Variants in SPOCK1 observed in about 807,000 individuals in gnomAD.
SPOCK1 encodes SPARC (osteonectin), cwcv and kazal like domains proteoglycan 1, also known as testican-1.
In SPOCK1, 23 loss-of-function variants were observed where a neutral mutation model predicts 55.3. The ratio of observed to expected loss-of-function variants is 0.42; its 90% CI spans 0.30 to 0.59. SPOCK1 has a LOEUF of 0.59. SPOCK1 is among the 20% of genes least tolerant of loss of function. The pLI, the probability that SPOCK1 is intolerant of heterozygous loss-of-function variation, is 0.22. For synonymous variants in SPOCK1, 226 were observed against 221.0 expected (o/e 1.02, Z -0.20); for missense variants, 499 against 552.5 (o/e 0.90, Z 0.97).
intron 2 of SPOCK1, among the ~76,000 whole-genome samples, chr5:137,395,291 G>T (rs1751818837): frequency 6.6e-6 from 1 of 152,206 alleles, no homozygotes; most frequent in Admixed American, 6.5e-5. Context: ...ACAAATGTCA[G>T]GTGTGCCAAA....
intron 2 of SPOCK1, among the ~76,000 whole-genome samples, chr5:137,475,798 C>T (rs145354971): frequency 4.6e-4 from 70 of 152,224 alleles, no homozygotes; most frequent in African/African-American, 1.5e-3. Flanking sequence ...TGGTCTTGAA[C>T]TCCTGGCCTC....
At chr5:137,140,718 G>C (rs372996324) in intron 3 of SPOCK1, 24 bp from the exon 4 acceptor site, 2 of 1,449,262 alleles carry the variant, frequency 1.4e-6, no homozygotes, top group African/African-American at 1.4e-5. Flanking sequence ...AAGAAGGAGG[G>C]CAGGGTTTAG....
intron 2 of SPOCK1, among the ~76,000 whole-genome samples, chr5:137,404,106 A>G (rs1449484881): frequency 6.6e-6 from 1 of 152,214 alleles, no homozygotes; most frequent in Non-Finnish European, 1.5e-5. Context: ...CACTGAGCGT[A>G]TCCACACTCA....
At chr5:137,087,787 G>A (rs1302302767) in intron 5 of SPOCK1, among the ~76,000 whole-genome samples, 1 of 152,188 alleles carries the variant, frequency 6.6e-6, no homozygotes, top group Non-Finnish European at 1.5e-5. Flanking sequence ...CCCACGAGAG[G>A]GAGAACATTG....
intron 3 of SPOCK1, among the ~76,000 whole-genome samples, chr5:137,210,805 G>A (rs1157922243): frequency 5.3e-5 from 8 of 152,182 alleles, no homozygotes; most frequent in East Asian, 1.9e-4. Flanking sequence ...TCCCTAGTCC[G>A]GCTTTATGCC....
At chr5:137,134,000 G>T (rs919994978) in intron 4 of SPOCK1, among the ~76,000 whole-genome samples, 2 of 152,176 alleles carry the variant, frequency 1.3e-5, no homozygotes, top group Admixed American at 1.3e-4. Flanking sequence ...TAAGGGAAAT[G>T]TACATCAGGC....
rs201326368 is a variant in SPOCK1, at chr5:137,165,871, TAAGAAAAAA to T, written c.233-25186_233-25178del. On this transcript the variant is annotated intron_variant, in intron 3 of 10. Coordinates refer to ENST00000394945, the MANE Select transcript of SPOCK1 (RefSeq NM_004598.4). ...TTTGAAAACACACAGTGAAAACACA[TAAGAAAAAA>T]AATTAAAAACAATAAAGCTCACATA... Among the ~76,000 whole-genome samples, 666 of 150,578 alleles carry T rather than the reference TAAGAAAAAA, an allele frequency of 4.4e-3. 12 individuals carry two copies. Among genetic ancestry groups the T allele is most frequent in the Non-Finnish European group, 4.1e-3 (277 of 67,536 alleles).
At chr5:137,356,286 T>G (rs954286318) in intron 2 of SPOCK1, among the ~76,000 whole-genome samples, 1 of 152,216 alleles carries the variant, frequency 6.6e-6, no homozygotes, top group Non-Finnish European at 1.5e-5. Flanking sequence ...GAGGTCAATT[T>G]GTAATTTAAA....
rs1755334961 is a variant in SPOCK1 at position 137,197,932 on chromosome 5, T to A, written c.233-57238A>T. On this transcript the variant is annotated intron_variant, in intron 3 of 10. Transcript: ENST00000394945. ...TAAGTAAATATTACAATCATCCTCC[T>A]CACTGCTACTGGTAAAACTTCTTAA... Among the ~76,000 whole-genome samples, 5 of 152,218 alleles carry A rather than the reference T, an allele frequency of 3.3e-5. No homozygotes were observed. In the South Asian group the frequency reaches 1.0e-3, roughly 32 times the overall value.
intron 6 of SPOCK1, among the ~76,000 whole-genome samples, chr5:137,042,822 T>C (rs1752025269): frequency 6.6e-6 from 1 of 152,072 alleles, no homozygotes; most frequent in South Asian, 2.1e-4. Flanking sequence ...TAGATACATA[T>C]AGAATAATTT....
intron 2 of SPOCK1, among the ~76,000 whole-genome samples, chr5:137,477,750 C>T (rs2149841434): frequency 6.6e-6 from 1 of 152,198 alleles, no homozygotes; most frequent in South Asian, 2.1e-4. Flanking sequence ...CCTTGCTAAG[C>T]TCCACATGTC....
intron 2 of SPOCK1, among the ~76,000 whole-genome samples, chr5:137,361,374 A>T (rs1750939285): frequency 6.6e-6 from 1 of 152,172 alleles, no homozygotes; most frequent in Non-Finnish European, 1.5e-5. Flanking sequence ...GGTCTAATTT[A>T]CTCACCACTG....
chr5:137,107,648 G>A (rs1026390046), intron 5 of SPOCK1, among the ~76,000 whole-genome samples: 5 of 152,144 alleles, frequency 3.3e-5, no homozygotes, highest in Non-Finnish European at 7.3e-5. Context: ...TGGTATCAGG[G>A]CATTAGAAGA....
intron 2 of SPOCK1, among the ~76,000 whole-genome samples, chr5:137,325,496 A>G (rs1758058444): frequency 6.6e-6 from 1 of 152,228 alleles, no homozygotes; most frequent in Non-Finnish European, 1.5e-5. Context: ...TTCTGCGTAC[A>G]TGCTTCCTAA....
chr5:136,996,087 G>A (rs1342286135), intron 6 of SPOCK1, among the ~76,000 whole-genome samples: 1 of 152,178 alleles, frequency 6.6e-6, no homozygotes, highest in Non-Finnish European at 1.5e-5. Context: ...CAACACACAG[G>A]CTGGTGATGG....
chr5:137,337,010 T>C (rs576982471), intron 2 of SPOCK1, among the ~76,000 whole-genome samples: 11 of 152,344 alleles, frequency 7.2e-5, no homozygotes, highest in African/African-American at 2.6e-4. Context: ...CCAGTGACAC[T>C]GTCTCCCTTA....
chr5:137,371,400 G>A (rs577161704), intron 2 of SPOCK1, among the ~76,000 whole-genome samples: 112 of 152,218 alleles, frequency 7.4e-4, no homozygotes, highest in Non-Finnish European at 1.2e-3. Flanking sequence ...CTTCCCAAAG[G>A]TTAGCTATTT....
chr5:136,980,772 C>T (rs1750713177), intron 9 of SPOCK1, among the ~76,000 whole-genome samples: 1 of 152,128 alleles, frequency 6.6e-6, no homozygotes, highest in African/African-American at 2.4e-5. Context: ...GTGTTTTCTG[C>T]ATTGTTTCTT....
intron 2 of SPOCK1, among the ~76,000 whole-genome samples, chr5:137,275,462 G>C (rs1757048132): frequency 6.6e-6 from 1 of 152,204 alleles, no homozygotes; most frequent in South Asian, 2.1e-4. Flanking sequence ...GGATGCTGTG[G>C]GGCTTTTCAA....
Sources: gnomAD v4.1 joint callset for allele counts (sites outside exome capture counted in the v4.1 genomes callset) on GRCh38, gnomAD v4.1.1 for gene constraint, MANE v1.5 for transcripts, NCBI Gene and HGNC (gene_info 2026-07-23, HGNC 2026-07-21) for gene names.